The following TG variants were observed in gnomAD, a reference collection of about 807,000 sequenced individuals.
TG encodes thyroid hormones.
In TG, 270 loss-of-function variants were observed where a neutral mutation model predicts 324.7. The ratio of observed to expected loss-of-function variants is 0.83; its 90% CI spans 0.75 to 0.92. TG has a LOEUF of 0.92. Ranked by LOEUF, TG falls within the 40% of genes least tolerant of loss-of-function variation. TG has a pLI of 0.00. For missense variants in TG, 3,591 were observed against 3,456.4 expected, an observed-to-expected ratio of 1.04 and a Z score of -0.98; for synonymous variants, 1,401 against 1,327.0, an observed-to-expected ratio of 1.06 and a Z score of -1.21.
At chr8:132,926,994 C>T (rs1378262362) in intron 22 of TG, among the ~76,000 whole-genome samples, 1 of 152,184 alleles carries the variant, frequency 6.6e-6, no homozygotes, top group South Asian at 2.1e-4. Context: ...TTCCACCTTG[C>T]TCACTGGAAA....
Position 132,893,836 on chromosome 8 carries a change from C to T in TG, c.2908C>T (p.Leu970Phe), listed in dbSNP as rs191579812. Residue 970 changes from leucine to phenylalanine, a missense_variant, in exon 11 of 48, where the codon CTC becomes TTC. By Grantham distance (22) the Leu-to-Phe change is conservative. Transcript: ENST00000220616. The part of the protein sequence containing the change: ...AKGIRLRNED[L>F]GLPPLFPPRE... ...GGGAATCCGGCTGAGGAATGAGGAC[C>T]TCGGCCTTCCTCCGCTCTTCCCGCC... 1.9e-6 allele frequency: 3 copies of T among 1,613,976 alleles called. 1 individual carries two copies. In the Admixed American group the frequency reaches 5.0e-5, roughly 27 times the overall value.
intron 35 of TG, chr8:132,983,829 A>G (rs1831200298): frequency 3.1e-6 from 1 of 327,028 alleles, no homozygotes; most frequent in African/African-American, 2.2e-5. Context: ...GCTTACAGTT[A>G]TCGGCCACAC....
rs1332273342 is a variant in TG, at chr8:132,959,136, A to G, written c.5402-1872A>G. Among the ~76,000 whole-genome samples the G allele has an allele frequency of 2.6e-5, 4 of 152,372 alleles. No individual in the cohort carries two copies. In the South Asian group the frequency reaches 8.3e-4, roughly 32 times the overall value. ...CAGAAGTAAAATCAAATGAAAGTGCAACTCAGTCTTTTTGTCTCACCTTTG... is the reference window on the plus strand; with the variant it reads ...CAGAAGTAAAATCAAATGAAAGTGCGACTCAGTCTTTTTGTCTCACCTTTG... On this transcript the variant is annotated intron_variant, in intron 27 of 47. Coordinates refer to ENST00000220616, the MANE Select transcript of TG (RefSeq NM_003235.5).
intron 41 of TG, chr8:133,038,487 G>C: frequency 1.3e-6 from 2 of 1,493,360 alleles, no homozygotes; most frequent in South Asian, 1.1e-5. Context: ...TGGAACTTCT[G>C]TTCCTTTTGG....
chr8:133,066,739 A>G (rs1364816529), intron 41 of TG, among the ~76,000 whole-genome samples: 1 of 152,198 alleles, frequency 6.6e-6, no homozygotes, highest in Non-Finnish European at 1.5e-5. Context: ...TTGATTTTCA[A>G]ATCCACTAAT....
At chr8:132,974,451 TC>T (rs955632264) in intron 34 of TG, among the ~76,000 whole-genome samples, 2 of 152,254 alleles carry the variant, frequency 1.3e-5, no homozygotes, top group Admixed American at 6.5e-5. Context: ...TATTGTTTTT[TC>T]CATTTTAAGG....
chr8:132,954,706 T>A (rs1313504734), intron 27 of TG, among the ~76,000 whole-genome samples: 2 of 152,218 alleles, frequency 1.3e-5, no homozygotes, highest in Non-Finnish European at 2.9e-5. Flanking sequence ...TCATGTTGCA[T>A]ACGTCATTTC....
intron 43 of TG, among the ~76,000 whole-genome samples, chr8:133,103,243 GAC>G (rs1268660920): frequency 6.6e-6 from 1 of 152,164 alleles, no homozygotes; most frequent in Non-Finnish European, 1.5e-5. Context: ...CCTTCAAATG[GAC>G]ACAGTGAGAG....
chr8:132,966,627 ATCCAGCCAGAAGCACTGGCTTT>A lies in TG; in HGVS notation c.5619_5640del (p.Gln1875ThrfsTer28). 6.2e-7 allele frequency: 1 copy of A among 1,614,110 alleles called. No homozygotes were observed. The highest frequency in any genetic ancestry group is 8.5e-7 in the Non-Finnish European group (1 of 1,180,016). On this transcript the variant is annotated frameshift_variant, in exon 30 of 48. Coordinates refer to ENST00000220616, the MANE Select transcript of TG (RefSeq NM_003235.5). LOFTEE classifies it high-confidence loss of function. ...TCATTGTCAATGGAAATCAATCACT[ATCCAGCCAGAAGCACTGGCTTT>A]TCAAGCACCTGTTTTCAGCCCAGCA...
chr8:132,928,167 T>C (rs985507576), intron 22 of TG, among the ~76,000 whole-genome samples: 2 of 152,226 alleles, frequency 1.3e-5, no homozygotes, highest in African/African-American at 4.8e-5. Flanking sequence ...AAAATCACTT[T>C]GGATGGCCTT....
intron 14 of TG, 108 bp from the exon 15 acceptor site, chr8:132,900,129 G>A (rs1000570718): frequency 5.7e-6 from 5 of 877,274 alleles, no homozygotes; most frequent in South Asian, 1.4e-5. Context: ...GTCTGGAGAA[G>A]CCATCACCTG....
chr8:132,888,262 C>G lies in TG; in HGVS notation c.2455C>G (p.Leu819Val). Residue 819 changes from leucine to valine, a missense_variant, in exon 10 of 48, where the codon CTC becomes GTC. Coordinates refer to ENST00000220616, the MANE Select transcript of TG (RefSeq NM_003235.5). Reference sequence around the variant, plus strand: ...AGAAGCAGCTTCCGGAAACTTCAGTCTCTTTATTCAAAGTCTGTATGAGGC... The same window carrying G: ...AGAAGCAGCTTCCGGAAACTTCAGTGTCTTTATTCAAAGTCTGTATGAGGC... ...YREAASGNFS[L>V]FIQSLYEAGQ... 1 of 1,614,224 alleles carries G rather than the reference C, an allele frequency of 6.2e-7. No homozygotes were observed. Among genetic ancestry groups the G allele is most frequent in the African/African-American group, 1.3e-5 (1 of 75,064 alleles).
intron 41 of TG, among the ~76,000 whole-genome samples, chr8:133,080,848 G>C (rs1408758144): frequency 2.0e-5 from 3 of 152,198 alleles, no homozygotes; most frequent in African/African-American, 7.2e-5. Flanking sequence ...GGTCCCTTCA[G>C]GCCCAACCCA....
intron 44 of TG, among the ~76,000 whole-genome samples, chr8:133,114,995 T>C (rs146975209): frequency 2.2e-3 from 340 of 152,244 alleles, no homozygotes; most frequent in African/African-American, 7.6e-3. Context: ...AACAGCTATT[T>C]TGGGAGGCCT....
chr8:133,103,702 G>T (rs1174725950), intron 43 of TG, among the ~76,000 whole-genome samples: 1 of 152,206 alleles, frequency 6.6e-6, no homozygotes, highest in African/African-American at 2.4e-5. Context: ...GCTTGATGGA[G>T]AAGTAAGTCC....
Position 132,908,474 on chromosome 8 carries a change from A to G in TG, c.4002+134A>G, listed in dbSNP as rs1426470467. ...TCTTCAAGTGTTTGCTGGAACTAATAGTGAATTCTCTTGGCAGCCTTGAGT... is the reference window on the plus strand; with the variant it reads ...TCTTCAAGTGTTTGCTGGAACTAATGGTGAATTCTCTTGGCAGCCTTGAGT... On this transcript the variant is annotated intron_variant, in intron 18 of 47. Transcript: ENST00000220616. 2.6e-5 allele frequency: 7 copies of G among 273,350 alleles called. 1 individual carries two copies. Among genetic ancestry groups the G allele is most frequent in the South Asian group, 1.7e-4 (3 of 18,150 alleles). The allele number at this position is 273,350 out of a possible 1,614,324, so 16.9% of individuals were successfully genotyped here. A position where few individuals can be genotyped will look rare whatever the true frequency, so the allele number is the denominator to read the frequency against.
At chr8:133,000,545 G>T (rs967823267) in intron 35 of TG, among the ~76,000 whole-genome samples, 1 of 152,226 alleles carries the variant, frequency 6.6e-6, no homozygotes, top group Non-Finnish European at 1.5e-5. Flanking sequence ...CCCCAGAGTG[G>T]TCCTTCCTTA....
intron 16 of TG, among the ~76,000 whole-genome samples, chr8:132,901,770 G>A (rs1817964587): frequency 6.6e-6 from 1 of 152,144 alleles, no homozygotes; most frequent in African/African-American, 2.4e-5. Flanking sequence ...AGCCTGGGCA[G>A]GGAACCCCCA....
intron 41 of TG, chr8:133,094,727 C>A (rs1164491550): frequency 5.7e-5 from 24 of 419,442 alleles, no homozygotes; most frequent in Non-Finnish European, 9.0e-5. Flanking sequence ...ATCTCCGATC[C>A]TCTTAAAGAA....
Sources: gnomAD v4.1 joint callset for allele counts (sites outside exome capture counted in the v4.1 genomes callset) on GRCh38, gnomAD v4.1.1 for gene constraint, MANE v1.5 for transcripts, NCBI Gene and HGNC (gene_info 2026-07-23, HGNC 2026-07-21) for gene names.